ZNF577: variants seen among roughly 807,000 people sequenced by gnomAD.
ZNF577 encodes zinc finger protein 577.
Under a neutral mutation model 13.9 loss-of-function variants are expected in ZNF577, and 14 were observed. The ratio of observed to expected loss-of-function variants is 1.00; its 90% CI spans 0.66 to 1.57. The LOEUF (loss-of-function observed/expected upper bound fraction) is 1.57, where lower values mean the gene tolerates loss of function less well. Among genes scored for constraint, ZNF577 ranks in the 40% most tolerant of loss-of-function variants. The pLI, the probability that ZNF577 is intolerant of heterozygous loss-of-function variation, is 0.00. For missense variants in ZNF577, 555 were observed against 579.2 expected (o/e 0.96, Z 0.43); for synonymous variants, 203 against 202.9 (o/e 1.00, Z 0.00).
intron 9 of ZNF577, among the ~76,000 whole-genome samples, chr19:51,836,731 A>G (rs1041554606): frequency 6.6e-6 from 1 of 152,212 alleles, no homozygotes; most frequent in Non-Finnish European, 1.5e-5. Flanking sequence ...TAATAAATGC[A>G]ACAACATTGT....
Position 51,806,768 on chromosome 19 carries a change from G to A in ZNF577, c.*818-1514C>T, listed in dbSNP as rs147955290. On this transcript the variant is annotated intron_variant and NMD_transcript_variant, in intron 10 of 10. Coordinates refer to the ZNF577 transcript ENST00000638827. ...CTGTACATGACCAGCTGTCTCACCT[G>A]TTTGGCATGTACCATGCAGCATATG... 1.6e-3 allele frequency among the ~76,000 whole-genome samples: 239 copies of A among 152,342 alleles called. 1 individual carries two copies. The highest frequency in any genetic ancestry group is 5.2e-3 in the African/African-American group (217 of 41,578).
rs1262598984 is a variant in ZNF577, at chr19:51,887,634, A to C, written c.-1032T>G. The stretch of plus-strand genomic sequence containing the variant: ...ACGCCCTAGCGCTACTGTGCAACGA[A>C]GACCTCCCAAGCACTGGTTCCAATG... On this transcript the variant is annotated 5_prime_UTR_variant, in exon 1 of 6. Coordinates refer to ENST00000638348, the MANE Select transcript of ZNF577 (RefSeq NM_001370449.1). The C allele has an allele frequency of 2.0e-5, 3 of 152,232 alleles. No homozygotes were observed. The highest frequency in any genetic ancestry group is 7.2e-5 in the African/African-American group (3 of 41,440). The allele number at this position is 152,232 out of a possible 1,614,324, so 9.4% of individuals were successfully genotyped here.
At position 51,873,062 on chromosome 19, in the gene ZNF577, T is replaced by TA. The variant is rs371203356; in HGVS notation, c.927dup (p.Lys310Ter). ...CTCTGATGTCTGGTCAGGTCTGACT[T>TA]AAAATAGAAGGTTCTTCCACAATCA... On this transcript the variant is annotated frameshift_variant, in exon 6 of 6. Coordinates refer to ENST00000638348, the MANE Select transcript of ZNF577 (RefSeq NM_001370449.1). LOFTEE classifies it low-confidence loss of function (END_TRUNC). The TA allele has an allele frequency of 4.3e-6, 7 of 1,614,196 alleles. No individual in the cohort carries two copies. The South Asian group carries it at 4.4e-5, about 10-fold the overall frequency.
At chr19:51,846,479 C>T (rs570343523) in intron 5 of ZNF577, among the ~76,000 whole-genome samples, 18 of 151,926 alleles carry the variant, frequency 1.2e-4, no homozygotes, top group African/African-American at 2.9e-4. Flanking sequence ...AGGCCGAGGC[C>T]GGTGGATCAC....
intron 4 of ZNF577, chr19:51,878,175 T>C (rs2084796529): frequency 3.1e-6 from 1 of 324,326 alleles, no homozygotes; most frequent in East Asian, 5.1e-5. Context: ...AAGGTAGTGT[T>C]GGTGGCTGCA....
At chr19:51,860,065 C>A (rs765500817) in intron 5 of ZNF577, among the ~76,000 whole-genome samples, 66 of 151,860 alleles carry the variant, frequency 4.3e-4, no homozygotes, top group Non-Finnish European at 8.8e-4. Context: ...TATGCAAAAC[C>A]ATTATAAAAT....
At chr19:51,859,714 C>T (rs988905385) in intron 5 of ZNF577, among the ~76,000 whole-genome samples, 1 of 152,030 alleles carries the variant, frequency 6.6e-6, no homozygotes, top group Admixed American at 6.5e-5. Flanking sequence ...ATCCTTTAGA[C>T]TCCTTAATAA....
intron 9 of ZNF577, among the ~76,000 whole-genome samples, chr19:51,831,059 T>C (rs1050145676): frequency 6.6e-5 from 10 of 152,208 alleles, no homozygotes; most frequent in Non-Finnish European, 2.9e-5. Flanking sequence ...GGAAAAGTCA[T>C]CACACTCTAC....
chr19:51,835,425 A>G (rs2084283042), intron 9 of ZNF577, among the ~76,000 whole-genome samples: 1 of 151,348 alleles, frequency 6.6e-6, no homozygotes, highest in South Asian at 2.1e-4. Context: ...AAAAAAAAAA[A>G]CTTCAGGCTT....
intron 5 of ZNF577, among the ~76,000 whole-genome samples, chr19:51,850,185 C>A (rs1361787557): frequency 6.6e-6 from 1 of 152,148 alleles, no homozygotes; most frequent in East Asian, 1.9e-4. Context: ...GACCTCTAAG[C>A]CTCTGAAATT....
At chr19:51,863,971 T>C (rs1376628530), downstream of ZNF577, among the ~76,000 whole-genome samples, 2 of 152,224 alleles carry the variant, frequency 1.3e-5, no homozygotes, top group African/African-American at 4.8e-5. Context: ...AATGCTCCCT[T>C]GTAGGAGGAT....
At position 51,867,225 on chromosome 19, in the gene ZNF577, A is replaced by G. The variant is rs1180326490; in HGVS notation, c.*5307T>C. On this transcript the variant is annotated 3_prime_UTR_variant, in exon 6 of 6. Coordinates refer to ENST00000638348, the MANE Select transcript of ZNF577 (RefSeq NM_001370449.1). ...TTCCATTTAATAGTTATTTGTCTTAAGCCTTGCAAAGTCATTGGAAAGAAA... is the reference window on the plus strand; with the variant it reads ...TTCCATTTAATAGTTATTTGTCTTAGGCCTTGCAAAGTCATTGGAAAGAAA... 6.6e-6 allele frequency among the ~76,000 whole-genome samples: 1 copy of G among 152,198 alleles called. No homozygotes were observed. Among genetic ancestry groups the G allele is most frequent in the Non-Finnish European group, 1.5e-5 (1 of 68,034 alleles).
At chr19:51,848,982 C>A (rs927082381) in intron 5 of ZNF577, among the ~76,000 whole-genome samples, 4 of 152,052 alleles carry the variant, frequency 2.6e-5, no homozygotes, top group Admixed American at 6.5e-5. Context: ...AGTTCTAAAC[C>A]ATTTTTTTGT....
intron 1 of ZNF577, chr19:51,886,158 A>C (rs1465008335): frequency 6.6e-6 from 1 of 152,096 alleles, no homozygotes; most frequent in Non-Finnish European, 1.5e-5. Context: ...GGGATGCTAC[A>C]TTATTCTATT....
chr19:51,832,083 C>T (rs1339792027), intron 9 of ZNF577, among the ~76,000 whole-genome samples: 1 of 152,144 alleles, frequency 6.6e-6, no homozygotes, highest in African/African-American at 2.4e-5. Flanking sequence ...ACAAAATCAC[C>T]TCCCTTCTCT....
chr19:51,823,631 C>A (rs2084206852), intron 9 of ZNF577: 3 of 848,858 alleles, frequency 3.5e-6, no homozygotes, highest in Non-Finnish European at 5.4e-6. Flanking sequence ...ACAAGGCTCA[C>A]TGGGGAGGGT....
In ZNF577 at chr19:51,870,906, T is replaced by C. The variant is rs1464828302; in HGVS notation, c.*1626A>G. 2.0e-5 allele frequency among the ~76,000 whole-genome samples: 3 copies of C among 152,182 alleles called. No individual in the cohort carries two copies. Among genetic ancestry groups the C allele is most frequent in the Non-Finnish European group, 4.4e-5 (3 of 68,038 alleles). On this transcript the variant is annotated 3_prime_UTR_variant, in exon 6 of 6. Coordinates refer to ENST00000638348, the MANE Select transcript of ZNF577 (RefSeq NM_001370449.1). ...TGTCATGGAAAGCTGTCCTAAGCCC[T>C]TTACTTCTCAATGTCTGATGAAGTT...
intron 10 of ZNF577, among the ~76,000 whole-genome samples, chr19:51,810,789 T>C (rs548581979): frequency 6.6e-6 from 1 of 152,312 alleles, no homozygotes; most frequent in East Asian, 1.9e-4. Context: ...TTTACCACTC[T>C]CGCTTTTAAT....
chr19:51,883,684 C>T (rs2084899361), intron 1 of ZNF577, among the ~76,000 whole-genome samples: 1 of 151,960 alleles, frequency 6.6e-6, no homozygotes, highest in African/African-American at 2.4e-5. Context: ...TCGAATGCAC[C>T]CACATCATTT....
Sources: gnomAD v4.1 joint callset for allele counts (sites outside exome capture counted in the v4.1 genomes callset) on GRCh38, gnomAD v4.1.1 for gene constraint, MANE v1.5 for transcripts, NCBI Gene and HGNC (gene_info 2026-07-23, HGNC 2026-07-21) for gene names.